The following ATP9A variants were observed in gnomAD, a reference collection of about 807,000 sequenced individuals.
The protein encoded by ATP9A is ATPase phospholipid transporting 9A, also known as probable phospholipid-transporting ATPase IIA.
ATP9A carries 52 observed loss-of-function variants against 144.1 expected under a neutral mutation model. The observed-to-expected ratio is 0.36, with a 90% CI of 0.29 to 0.45. The LOEUF (loss-of-function observed/expected upper bound fraction) is 0.45. ATP9A is among the 20% of genes least tolerant of loss of function. ATP9A has a pLI of 1.00. For synonymous variants in ATP9A, 582 were observed against 557.4 expected (o/e 1.04, Z -0.62); for missense variants, 947 against 1,392.7 (o/e 0.68, Z 5.09).
intron 1 of ATP9A, among the ~76,000 whole-genome samples, chr20:51,749,144 T>C (rs1429290086): frequency 6.6e-6 from 1 of 152,160 alleles, no homozygotes; most frequent in Non-Finnish European, 1.5e-5. Context: ...GAGAATCACT[T>C]GAACCCAGGA....
intron 1 of ATP9A, among the ~76,000 whole-genome samples, chr20:51,766,554 G>T (rs80335334): frequency 2.6e-5 from 4 of 152,098 alleles, no homozygotes; most frequent in African/African-American, 9.7e-5. Flanking sequence ...TCATTAAAAC[G>T]AAGGAGGCCG....
At chr20:51,685,037 A>AT (rs2077517159) in intron 9 of ATP9A, among the ~76,000 whole-genome samples, 1 of 151,676 alleles carries the variant, frequency 6.6e-6, no homozygotes, top group Admixed American at 6.6e-5. Context: ...AAAAAAAAAA[A>AT]AAATACAAAT....
intron 13 of ATP9A, among the ~76,000 whole-genome samples, chr20:51,664,739 G>A (rs1420156523): frequency 6.7e-6 from 1 of 150,014 alleles, no homozygotes; most frequent in South Asian, 2.1e-4. Flanking sequence ...TTTTCCTTTT[G>A]AGAGGAGTCT....
intron 15 of ATP9A, among the ~76,000 whole-genome samples, chr20:51,635,025 C>T (rs1423946723): frequency 3.3e-5 from 1 of 30,578 alleles, no homozygotes; most frequent in Non-Finnish European, 7.1e-5. Context: ...TGTGTGTCAG[C>T]CACCCCCCTG....
At chr20:51,763,911 A>G (rs530772743) in intron 1 of ATP9A, among the ~76,000 whole-genome samples, 1 of 152,282 alleles carries the variant, frequency 6.6e-6, no homozygotes, top group African/African-American at 2.4e-5. Flanking sequence ...AGAATGCTCT[A>G]CATAGTTATT....
rs1398755344 is a variant in ATP9A, at chr20:51,721,816, GAAAAAGA to G, written c.327+3996_327+4002del. On this transcript the variant is annotated intron_variant, in intron 3 of 27. Transcript: ENST00000338821. ...ACTCCATCTCAAAAAAAAAAAAAAA[GAAAAAGA>G]AAAAAGAAAAAACAATTCTAAAATT... 3.7e-5 allele frequency among the ~76,000 whole-genome samples: 5 copies of G among 136,538 alleles called. No individual in the cohort carries two copies. In the South Asian group the frequency reaches 9.2e-4, roughly 25 times the overall value. The allele number at this position is 136,538 out of a possible 152,430, so 89.6% of individuals were successfully genotyped here. A position where few individuals can be genotyped will look rare whatever the true frequency, so the allele number is the denominator to read the frequency against.
At chr20:51,766,978 A>C (rs1035664727) in intron 1 of ATP9A, among the ~76,000 whole-genome samples, 1 of 151,984 alleles carries the variant, frequency 6.6e-6, no homozygotes, top group East Asian at 1.9e-4. Context: ...CGTAACCTCC[A>C]GTTTCCTCCT....
At position 51,731,580 on chromosome 20, in the gene ATP9A, G is replaced by A. The variant is rs535300343; in HGVS notation, c.69-1602C>T. Reference sequence around the variant, plus strand: ...CTAGAATTACAAAAATTAGCTGGGTGTGGTGGCAGACGCCTATAATCCCAG... The same window carrying A: ...CTAGAATTACAAAAATTAGCTGGGTATGGTGGCAGACGCCTATAATCCCAG... On this transcript the variant is annotated intron_variant, in intron 1 of 27. Transcript: ENST00000338821. 5.3e-5 allele frequency among the ~76,000 whole-genome samples: 8 copies of A among 151,418 alleles called. No homozygotes were observed. In the East Asian group the frequency reaches 1.6e-3, roughly 30 times the overall value.
rs548519279 is a variant in ATP9A at position 51,646,646 on chromosome 20, A to C, written c.1507-7142T>G. 3.9e-5 allele frequency among the ~76,000 whole-genome samples: 6 copies of C among 152,346 alleles called. No individual in the cohort carries two copies. In the South Asian group the frequency reaches 1.2e-3, roughly 32 times the overall value. On this transcript the variant is annotated intron_variant, in intron 14 of 27. Coordinates refer to ENST00000338821, the MANE Select transcript of ATP9A (RefSeq NM_006045.3). ...AGGCAGCAGCTGCCCAGCTTGGCCA[A>C]CCACTGCCAGGTAGAAGTTGGGCCT...
chr20:51,738,029 A>ATTTT (rs11321391), intron 1 of ATP9A, among the ~76,000 whole-genome samples: 1 of 137,834 alleles, frequency 7.3e-6, no homozygotes, highest in African/African-American at 2.7e-5. Flanking sequence ...CCTCTAAAAC[A>ATTTT]TTTTTTTTTT....
rs1219693099 is a variant in ATP9A, at chr20:51,713,047, G to A, written c.355C>T (p.Arg119Cys). 1.2e-6 allele frequency: 2 copies of A among 1,612,448 alleles called. No homozygotes were observed. The highest frequency in any genetic ancestry group is 1.7e-6 in the Non-Finnish European group (2 of 1,179,384). Reference sequence around the variant, plus strand: ...CATCGGATCTCCTCCACCGCCTCACGGATGACAGTGACGGCCAGCACGAAG... The same window carrying A: ...CATCGGATCTCCTCCACCGCCTCACAGATGACAGTGACGGCCAGCACGAAG... ...LGFVLAVTVIREAVEEIRCYV... is the reference protein window; with the variant it reads ...LGFVLAVTVICEAVEEIRCYV... The change falls in exon 4 of 28, where the codon CGT becomes TGT. Residue 119 changes from arginine to cysteine, a missense_variant. This residue lies in a region of ATP9A where 770 missense variants were observed against 1,047.9 expected (regional missense o/e 0.73). Coordinates refer to ENST00000338821, the MANE Select transcript of ATP9A (RefSeq NM_006045.3).
intron 1 of ATP9A, chr20:51,735,211 C>T (rs2077758323): frequency 6.6e-6 from 1 of 152,378 alleles, no homozygotes; most frequent in South Asian, 2.1e-4. Flanking sequence ...TAAAATAGCG[C>T]TGTGTGCACA....
At chr20:51,614,868 T>C (rs2077197087) in intron 22 of ATP9A, among the ~76,000 whole-genome samples, 1 of 152,162 alleles carries the variant, frequency 6.6e-6, no homozygotes, top group Non-Finnish European at 1.5e-5. Context: ...AAACGTGTTC[T>C]ACAATAAAGA....
intron 11 of ATP9A, 23 bp from the exon 12 acceptor site, chr20:51,671,280 C>T (rs376548898): frequency 1.2e-6 from 2 of 1,608,408 alleles, no homozygotes; most frequent in Admixed American, 1.7e-5. Context: ...CCAGAGCAAA[C>T]AGGCTAACAG....
intron 1 of ATP9A, among the ~76,000 whole-genome samples, chr20:51,742,691 T>C (rs1252694482): frequency 2.6e-5 from 4 of 152,076 alleles, no homozygotes; most frequent in African/African-American, 9.7e-5. Flanking sequence ...ACTTTTGTAT[T>C]TTTAGTAGAG....
chr20:51,639,638 A>G, intron 14 of ATP9A, 134 bp from the exon 15 acceptor site: 1 of 925,664 alleles, frequency 1.1e-6, no homozygotes, highest in Non-Finnish European at 1.6e-6. Flanking sequence ...AGGGACGCCA[A>G]GTGCTCTGTG....
chr20:51,755,234 G>A (rs73616848), intron 1 of ATP9A, among the ~76,000 whole-genome samples: 5 of 151,612 alleles, frequency 3.3e-5, no homozygotes, highest in East Asian at 2.0e-4. Flanking sequence ...TCAGGAGTTC[G>A]AGACCAGCCT....
chr20:51,603,852 C>T (rs1301147547), intron 27 of ATP9A, among the ~76,000 whole-genome samples: 64 of 152,168 alleles, frequency 4.2e-4, no homozygotes, highest in Non-Finnish European at 7.3e-5. Flanking sequence ...GTGATCTCAG[C>T]TCACTGCAAC....
At chr20:51,710,381 T>G (rs2077632762) in intron 4 of ATP9A, among the ~76,000 whole-genome samples, 2 of 152,236 alleles carry the variant, frequency 1.3e-5, no homozygotes, top group Admixed American at 1.3e-4. Flanking sequence ...TATTTCATTT[T>G]GCTTTGGAAC....
Sources: gnomAD v4.1 joint callset for allele counts (sites outside exome capture counted in the v4.1 genomes callset) on GRCh38, gnomAD v4.1.1 for gene constraint, gnomAD v4.1.1 regional missense constraint, MANE v1.5 for transcripts, NCBI Gene and HGNC (gene_info 2026-07-23, HGNC 2026-07-21) for gene names.